Variants in RYR3 observed in about 807,000 individuals in gnomAD.
The protein encoded by RYR3 is brain ryanodine receptor-calcium release channel.
Under a neutral mutation model 584.3 loss-of-function variants are expected in RYR3, and 207 were observed. That is an observed-to-expected ratio of 0.35 (90% confidence interval 0.32 to 0.40). RYR3 has a LOEUF of 0.40. Ranked by LOEUF, RYR3 falls within the 10% of genes least tolerant of loss-of-function variation. The pLI is 1.00. For missense variants in RYR3, 5,616 were observed against 6,089.2 expected (o/e 0.92, Z 2.59); for synonymous variants, 2,416 against 2,248.5 (o/e 1.07, Z -2.11).
At chr15:33,633,285 C>T (rs1269551357) in intron 24 of RYR3, among the ~76,000 whole-genome samples, 177 bp downstream of exon 24, 3 of 152,204 alleles carry the variant, frequency 2.0e-5, no homozygotes, top group Non-Finnish European at 4.4e-5. Flanking sequence ...TTGTAATAGT[C>T]ACTTCATAGC....
chr15:33,658,752 A>G (rs762219123), intron 32 of RYR3, among the ~76,000 whole-genome samples: 7 of 152,252 alleles, frequency 4.6e-5, no homozygotes, highest in Non-Finnish European at 7.3e-5. Context: ...CTGCTCCTCC[A>G]TCAAAGGGAG....
rs770898624 is a variant in RYR3 at position 33,662,885 on chromosome 15, C to T, written c.5355C>T (p.Ala1785=). Residue 1785 remains alanine (A), a synonymous_variant, in exon 35 of 104, where the codon GCC becomes GCT. Coordinates refer to ENST00000634891, the MANE Select transcript of RYR3 (RefSeq NM_001036.6). The part of the protein sequence containing the change: ...EEKAVEAGEK[A]GKEAPVKGLL... ...AGGCTGTGGAGGCTGGGGAGAAGGC[C>T]GGCAAGGAGGCTCCTGTCAAAGGCT... The T allele has an allele frequency of 2.9e-5, 46 of 1,613,334 alleles. No homozygotes were observed. The highest frequency in any genetic ancestry group is 1.4e-4 in the South Asian group (13 of 91,064).
chr15:33,632,861 G>A (rs3816940), intron 23 of RYR3, 88 bp from the exon 24 acceptor site: 160,415 of 1,157,926 alleles, frequency 0.14, 12,049 homozygotes, highest in African/African-American at 0.23. Context: ...TTTGCGTAGC[G>A]TTCTTACCAT....
At chr15:33,439,601 T>G (rs2046044569) in intron 1 of RYR3, among the ~76,000 whole-genome samples, 1 of 152,238 alleles carries the variant, frequency 6.6e-6, no homozygotes, top group Admixed American at 6.5e-5. Flanking sequence ...ATTTCCTATT[T>G]CTAATCTTTA....
Position 33,644,409 on chromosome 15 carries a change from C to A in RYR3, c.3655C>A (p.Gln1219Lys), listed in dbSNP as rs2061987820. The A allele has an allele frequency of 6.2e-7, 1 of 1,613,682 alleles. No homozygotes were observed. Among genetic ancestry groups the A allele is most frequent in the Non-Finnish European group, 8.5e-7 (1 of 1,179,790 alleles). The change falls in exon 28 of 104, where the codon CAA (glutamine) becomes AAA (lysine). Residue 1219 changes from glutamine to lysine, a missense_variant. Physicochemically the swap from Gln to Lys is moderately conservative, Grantham distance 53. This residue lies in a region of RYR3 where 152 missense variants were observed against 200.9 expected (regional missense o/e 0.76). Coordinates refer to ENST00000634891, the MANE Select transcript of RYR3 (RefSeq NM_001036.6). Reference protein sequence around the residue: ...TFKFYTMCGLQEGFEPFAVNM... With the variant: ...TFKFYTMCGLKEGFEPFAVNM... ...CAAGTTTTATACCATGTGCGGTCTC[C>A]AAGAGGGCTTTGAGCCTTTTGCTGT...
chr15:33,805,864 A>G (rs1371378709), intron 69 of RYR3, among the ~76,000 whole-genome samples: 1 of 151,600 alleles, frequency 6.6e-6, no homozygotes, highest in African/African-American at 2.4e-5. Flanking sequence ...TCTCTCATAA[A>G]TGTGCACACG....
intron 28 of RYR3, among the ~76,000 whole-genome samples, chr15:33,645,700 C>T (rs1248494096): frequency 2.0e-5 from 3 of 152,176 alleles, no homozygotes; most frequent in Non-Finnish European, 4.4e-5. Flanking sequence ...CAGTTCACTT[C>T]CCTTGTATCC....
intron 3 of RYR3, among the ~76,000 whole-genome samples, chr15:33,515,457 A>G (rs542193459): frequency 3.4e-4 from 52 of 152,354 alleles, no homozygotes; most frequent in African/African-American, 1.1e-3. Context: ...CAGCCTTCTC[A>G]AGCTCTCTCA....
chr15:33,519,078 A>G (rs1467747326), intron 3 of RYR3, among the ~76,000 whole-genome samples: 2 of 152,194 alleles, frequency 1.3e-5, no homozygotes, highest in African/African-American at 4.8e-5. Flanking sequence ...CATTAACTGC[A>G]TCTTTTCCCA....
chr15:33,568,366 A>G (rs758212278), intron 12 of RYR3, among the ~76,000 whole-genome samples: 2 of 152,232 alleles, frequency 1.3e-5, no homozygotes, highest in African/African-American at 4.8e-5. Flanking sequence ...AGTGGGAGTT[A>G]TGTGCCTGAC....
chr15:33,630,476 T>C (rs190537517), intron 22 of RYR3, among the ~76,000 whole-genome samples: 114 of 152,368 alleles, frequency 7.5e-4, no homozygotes, highest in African/African-American at 2.6e-3. Context: ...TAAATTGTTA[T>C]CTCCCATTTT....
At chr15:33,429,500 G>A (rs2044937089) in intron 1 of RYR3, among the ~76,000 whole-genome samples, 1 of 152,178 alleles carries the variant, frequency 6.6e-6, no homozygotes, top group South Asian at 2.1e-4. Flanking sequence ...GGCAGACGCT[G>A]ATGATCGGAT....
chr15:33,707,904 A>C (rs1346411861), intron 43 of RYR3, among the ~76,000 whole-genome samples: 1 of 151,974 alleles, frequency 6.6e-6, no homozygotes, highest in Non-Finnish European at 1.5e-5. Flanking sequence ...CTACCCTCCC[A>C]TTTCACCTGC....
chr15:33,583,715 G>A (rs2152519936), intron 14 of RYR3, among the ~76,000 whole-genome samples: 1 of 152,268 alleles, frequency 6.6e-6, no homozygotes, highest in African/African-American at 2.4e-5. Flanking sequence ...GACGCCAAGA[G>A]TTCAAGACCA....
At chr15:33,737,304 T>C in intron 49 of RYR3, among the ~76,000 whole-genome samples, 1 of 152,114 alleles carries the variant, frequency 6.6e-6, no homozygotes, top group Non-Finnish European at 1.5e-5. Flanking sequence ...TCTCATAAAT[T>C]ACAAATATTT....
chr15:33,497,407 T>C (rs2051536077), intron 2 of RYR3, among the ~76,000 whole-genome samples: 1 of 152,172 alleles, frequency 6.6e-6, no homozygotes, highest in South Asian at 2.1e-4. Flanking sequence ...TCATCTCCCA[T>C]ATCCAGTTAG....
At chr15:33,436,565 A>T (rs2045746702) in intron 1 of RYR3, among the ~76,000 whole-genome samples, 1 of 150,792 alleles carries the variant, frequency 6.6e-6, no homozygotes, top group Non-Finnish European at 1.5e-5. Flanking sequence ...CAGTGATGCA[A>T]TCTTGGCTCA....
chr15:33,746,803 C>CTTTTTTTTTTTTTTTTT (rs367738785), intron 53 of RYR3, among the ~76,000 whole-genome samples: 1 of 135,692 alleles, frequency 7.4e-6, no homozygotes, highest in Non-Finnish European at 1.6e-5. Context: ...TTTCTTTCTT[C>CTTTTTTTTTTTTTTTTT]TTTTTTTTTT....
At chr15:33,633,223 C>G in intron 24 of RYR3, 115 bp downstream of exon 24, 1 of 956,928 alleles carries the variant, frequency 1.0e-6, no homozygotes, top group Non-Finnish European at 1.6e-6. Context: ...GCACTCTATC[C>G]CTCACACCTC....
Sources: gnomAD v4.1 joint callset for allele counts (sites outside exome capture counted in the v4.1 genomes callset) on GRCh38, gnomAD v4.1.1 for gene constraint, gnomAD v4.1.1 regional missense constraint, MANE v1.5 for transcripts, NCBI Gene and HGNC (gene_info 2026-07-23, HGNC 2026-07-21) for gene names.